The following OR1F1 variants were observed in gnomAD, a reference collection of about 807,000 sequenced individuals.
OR1F1 encodes the protein olfactory receptor family 1 subfamily F member 1.
For missense variants in OR1F1, 493 were observed against 376.3 expected (o/e 1.31, Z -2.57); for synonymous variants, 184 against 156.7 (o/e 1.17, Z -1.30).
exon 1 of OR1F1, chr16:3,204,718 C>T (rs1958181626): frequency 6.2e-7 from 1 of 1,614,174 alleles, no homozygotes; most frequent in African/African-American, 1.3e-5. Context: ...GAATGTCCTT[C>T]TGCACACCCT....
At chr16:3,206,176 C>T (rs1195326489), downstream of OR1F1, among the ~76,000 whole-genome samples, 1 of 152,108 alleles carries the variant, frequency 6.6e-6, no homozygotes, top group Admixed American at 6.6e-5. Flanking sequence ...TGAAATATGC[C>T]CTGGTCTCCT....
At chr16:3,194,916 C>T in the OR1F1 span, among the ~76,000 whole-genome samples, 1 of 152,240 alleles carries the variant, frequency 6.6e-6, no homozygotes, top group East Asian at 1.9e-4. Context: ...AGCCACCGCC[C>T]TTCTTCTGTG....
upstream of OR1F1, among the ~76,000 whole-genome samples, chr16:3,202,969 A>G (rs188773680): frequency 4.7e-5 from 7 of 150,364 alleles, no homozygotes; most frequent in Non-Finnish European, 1.0e-4. Context: ...TTATCTTCTT[A>G]ATCCCAGTAC....
the OR1F1 span, among the ~76,000 whole-genome samples, chr16:3,194,575 T>C: frequency 6.6e-6 from 1 of 152,312 alleles, no homozygotes. Context: ...AAGCAGCGAC[T>C]CTGAGGCCCC....
At chr16:3,200,868 C>A (rs1470011874), upstream of OR1F1, among the ~76,000 whole-genome samples, 1 of 152,208 alleles carries the variant, frequency 6.6e-6, no homozygotes, top group Non-Finnish European at 1.5e-5. Context: ...CCCACCATGC[C>A]TGACCAATGG....
chr16:3,200,378 G>A (rs1958123288), upstream of OR1F1, among the ~76,000 whole-genome samples: 1 of 152,186 alleles, frequency 6.6e-6, no homozygotes, highest in South Asian at 2.1e-4. Flanking sequence ...AGGCCGAGAG[G>A]GGCGGATCAC....
upstream of OR1F1, among the ~76,000 whole-genome samples, chr16:3,201,364 A>G (rs1958133294): frequency 6.6e-6 from 1 of 152,134 alleles, no homozygotes; most frequent in Admixed American, 6.6e-5. Context: ...TTGTATGGTA[A>G]TTGTATGTTT....
chr16:3,205,783 C>T (rs929377729), downstream of OR1F1, among the ~76,000 whole-genome samples: 1 of 152,098 alleles, frequency 6.6e-6, no homozygotes, highest in Non-Finnish European at 1.5e-5. Flanking sequence ...TCTCTTAATC[C>T]TGTTATCTTC....
At chr16:3,205,327 T>A, downstream of OR1F1, 1 of 656,508 alleles carries the variant, frequency 1.5e-6, no homozygotes, top group South Asian at 2.2e-5. Context: ...TAATTATAAT[T>A]TTTTTTGAGA....
chr16:3,199,419 G>A (rs1296051395), upstream of OR1F1, among the ~76,000 whole-genome samples: 1 of 151,944 alleles, frequency 6.6e-6, no homozygotes, highest in African/African-American at 2.4e-5. Flanking sequence ...GAGGTAAGAG[G>A]ATTGCTTGAG....
chr16:3,196,191 T>G, the OR1F1 span, among the ~76,000 whole-genome samples: 1 of 152,202 alleles, frequency 6.6e-6, no homozygotes, highest in African/African-American at 2.4e-5. Flanking sequence ...AGACTCTTAA[T>G]CTCAGGGTCG....
At chr16:3,190,925 A>G in the OR1F1 span, among the ~76,000 whole-genome samples, 334 of 152,342 alleles carry the variant, frequency 2.2e-3, 1 homozygote, top group Non-Finnish European at 3.8e-3. Context: ...GGACCTATGT[A>G]AAATGCTCTC....
At chr16:3,206,216 A>G (rs1379259548), downstream of OR1F1, among the ~76,000 whole-genome samples, 2 of 152,114 alleles carry the variant, frequency 1.3e-5, no homozygotes, top group East Asian at 1.9e-4. Flanking sequence ...TAGTGTGGGG[A>G]AAAAACCCCA....
At chr16:3,202,847 T>C (rs996407060), upstream of OR1F1, among the ~76,000 whole-genome samples, 1 of 152,130 alleles carries the variant, frequency 6.6e-6, no homozygotes, top group African/African-American at 2.4e-5. Flanking sequence ...ATTTCTCCAC[T>C]CTATAGATGA....
chr16:3,198,866 A>T, the OR1F1 span, among the ~76,000 whole-genome samples: 11 of 152,040 alleles, frequency 7.2e-5, no homozygotes, highest in African/African-American at 2.7e-4. Flanking sequence ...CTGTGATGGG[A>T]GGATCGCTTG....
At chr16:3,205,008 C>A in exon 1 of OR1F1, 1 of 1,614,040 alleles carries the variant, frequency 6.2e-7, no homozygotes, top group Admixed American at 1.7e-5. Context: ...TCTACAGCAC[C>A]ATCATTGCTG....
At chr16:3,189,385 G>C in the OR1F1 span, among the ~76,000 whole-genome samples, 1 of 152,224 alleles carries the variant, frequency 6.6e-6, no homozygotes, top group Non-Finnish European at 1.5e-5. Flanking sequence ...ACTCAAGGCC[G>C]AGTGGCGGTG....
At chr16:3,204,405 C>T (rs1326664005) in exon 1 of OR1F1, 1 of 1,614,140 alleles carries the variant, frequency 6.2e-7, no homozygotes, top group Non-Finnish European at 8.5e-7. Flanking sequence ...GCATAGACTC[C>T]TGCCTGCACA....
chr16:3,189,521 C>T, the OR1F1 span, among the ~76,000 whole-genome samples: 2 of 152,228 alleles, frequency 1.3e-5, no homozygotes, highest in Non-Finnish European at 2.9e-5. Flanking sequence ...GAAATTGCCC[C>T]TTCCAGGCGG....
Sources: gnomAD v4.1 joint callset for allele counts (sites outside exome capture counted in the v4.1 genomes callset) on GRCh38, gnomAD v4.1.1 for gene constraint, MANE v1.5 for transcripts, NCBI Gene and HGNC (gene_info 2026-07-23, HGNC 2026-07-21) for gene names.